Variants in APPL1 observed in about 807,000 individuals in gnomAD.
APPL1 encodes DCC-interacting protein 13-alpha.
In APPL1, 42 loss-of-function variants were observed where a neutral mutation model predicts 106.8. The observed-to-expected ratio is 0.39, with a 90% CI of 0.31 to 0.51. The LOEUF is 0.51. Among genes scored for constraint, APPL1 ranks in the 20% least tolerant of loss-of-function variants. The pLI is 0.75. For missense variants in APPL1, 769 were observed against 858.2 expected (o/e 0.90, Z 1.30); for synonymous variants, 263 against 281.8 (o/e 0.93, Z 0.67).
At chr3:57,233,766 A>G (rs1317460491) in intron 1 of APPL1, among the ~76,000 whole-genome samples, 1 of 152,096 alleles carries the variant, frequency 6.6e-6, no homozygotes, top group Non-Finnish European at 1.5e-5. Context: ...AAGCTAAGGA[A>G]TAAGTTGATT....
chr3:57,257,100 G>T, intron 14 of APPL1, 49 bp downstream of exon 14: 1 of 1,585,530 alleles, frequency 6.3e-7, no homozygotes, highest in Admixed American at 1.7e-5. Context: ...GCTATTTAAA[G>T]TATCTGTGAT....
At position 57,259,963 on chromosome 3, in the gene APPL1, C is replaced by T. The variant is rs2060856748; in HGVS notation, c.1602C>T (p.Ile534=). The change falls in exon 17 of 22, where the codon ATC becomes ATT. Residue 534 remains isoleucine (I), a synonymous_variant. Coordinates refer to ENST00000288266, the MANE Select transcript of APPL1 (RefSeq NM_012096.3). ...TMRQILAARA[I]HNIFRMTESH... is the part of the protein sequence containing the mutation. ...GCCAAATCTTAGCTGCCCGGGCCAT[C>T]CATAACATCTTTCGTATGACAGAAT... 1.9e-6 allele frequency: 3 copies of T among 1,613,944 alleles called. No homozygotes were observed. The highest frequency in any genetic ancestry group is 1.7e-6 in the Non-Finnish European group (2 of 1,179,984).
At chr3:57,234,523 C>A (rs942804624) in intron 1 of APPL1, among the ~76,000 whole-genome samples, 1 of 152,036 alleles carries the variant, frequency 6.6e-6, no homozygotes, top group African/African-American at 2.4e-5. Flanking sequence ...TGGTCTCAAT[C>A]TCCTGACCTC....
intron 20 of APPL1, 111 bp downstream of exon 20, chr3:57,267,903 C>A: frequency 9.2e-7 from 1 of 1,090,516 alleles, no homozygotes; most frequent in South Asian, 1.3e-5. Flanking sequence ...ACTAACCTGG[C>A]CAACATGGTG....
chr3:57,260,587 T>A, intron 18 of APPL1, 41 bp from the exon 19 acceptor site: 3 of 1,572,078 alleles, frequency 1.9e-6, no homozygotes, highest in Non-Finnish European at 2.6e-6. Flanking sequence ...CTGTAATGAC[T>A]TGTAAGATCT....
chr3:57,241,800 G>A (rs1048585503), intron 5 of APPL1, among the ~76,000 whole-genome samples: 1 of 152,136 alleles, frequency 6.6e-6, no homozygotes, highest in East Asian at 1.9e-4. Context: ...TATCAAAAAT[G>A]CATGATTCTG....
intron 19 of APPL1, among the ~76,000 whole-genome samples, chr3:57,267,271 T>TGAGCAAAGCATCTCTGAATA (rs1310703034): frequency 1.3e-5 from 2 of 152,228 alleles, no homozygotes; most frequent in East Asian, 1.9e-4. Context: ...CTGAGCTGCT[T>TGAGCAAAGCATCTCTGAATA]GAGCAAAGCA....
intron 7 of APPL1, 144 bp downstream of exon 7, chr3:57,243,058 A>G: frequency 1.6e-6 from 1 of 621,970 alleles, no homozygotes; most frequent in East Asian, 2.9e-5. Context: ...TAGCTGTTCA[A>G]AACCTTTCTG....
At chr3:57,231,671 G>A (rs1049749931) in intron 1 of APPL1, among the ~76,000 whole-genome samples, 9 of 152,030 alleles carry the variant, frequency 5.9e-5, no homozygotes, top group African/African-American at 2.2e-4. Flanking sequence ...AGCTGGGCGT[G>A]GTGGCATGCA....
At chr3:57,236,417 C>G (rs955940472) in intron 2 of APPL1, among the ~76,000 whole-genome samples, 1 of 151,470 alleles carries the variant, frequency 6.6e-6, no homozygotes, top group Non-Finnish European at 1.5e-5. Flanking sequence ...CACCCTCCAC[C>G]TCCCAGGTTC....
At chr3:57,259,190 T>C in intron 16 of APPL1, 110 bp downstream of exon 16, 7 of 864,036 alleles carry the variant, frequency 8.1e-6, no homozygotes, top group South Asian at 7.5e-5. Context: ...AATGCTATCT[T>C]TACTTCAGAA....
chr3:57,231,814 A>C (rs1037784855), intron 1 of APPL1, among the ~76,000 whole-genome samples: 1 of 151,804 alleles, frequency 6.6e-6, no homozygotes, highest in Non-Finnish European at 1.5e-5. Flanking sequence ...GCTCTTAAAA[A>C]AAAAAAAAAA....
At chr3:57,237,003 A>C (rs780521775) in intron 2 of APPL1, among the ~76,000 whole-genome samples, 1 of 152,212 alleles carries the variant, frequency 6.6e-6, no homozygotes, top group Non-Finnish European at 1.5e-5. Flanking sequence ...ATATATGATT[A>C]ATATGTTAAA....
At chr3:57,243,921 G>A (rs2060759328) in intron 7 of APPL1, among the ~76,000 whole-genome samples, 1 of 151,968 alleles carries the variant, frequency 6.6e-6, no homozygotes, top group Admixed American at 6.6e-5. Context: ...GGGTACCTTG[G>A]GGGAACAACA....
At chr3:57,268,571 A>T in intron 21 of APPL1, 84 bp downstream of exon 21, 1 of 1,438,456 alleles carries the variant, frequency 7.0e-7, no homozygotes, top group Non-Finnish European at 9.2e-7. Flanking sequence ...TGAATTTCCA[A>T]ATGAAGGGCT....
At chr3:57,239,635 T>A (rs2060735114) in intron 4 of APPL1, among the ~76,000 whole-genome samples, 1 of 152,224 alleles carries the variant, frequency 6.6e-6, no homozygotes, top group African/African-American at 2.4e-5. Context: ...TATACAAGAT[T>A]GTTTTTTTTG....
chr3:57,240,372 A>G, intron 4 of APPL1, 93 bp from the exon 5 acceptor site: 1 of 955,262 alleles, frequency 1.0e-6, no homozygotes, highest in Non-Finnish European at 1.6e-6. Context: ...AAAATATATC[A>G]GAACCATTTT....
chr3:57,261,059 G>A (rs1286036942), intron 19 of APPL1, among the ~76,000 whole-genome samples: 1 of 151,958 alleles, frequency 6.6e-6, no homozygotes, highest in Non-Finnish European at 1.5e-5. Context: ...TCTTTCTATC[G>A]TAATTTATGG....
chr3:57,242,616 A>C lies in APPL1; in HGVS notation c.416-240A>C, dbSNP rs2060752731. ...GTTTGCTATTTTTGTACTAGAAAAT[A>C]CTTTAAAAAGCTTTAGTGCATTAGT... On this transcript the variant is annotated intron_variant, in intron 6 of 21. Transcript: ENST00000288266. Among the ~76,000 whole-genome samples the C allele has an allele frequency of 3.9e-5, 6 of 152,306 alleles. No individual in the cohort carries two copies. In the South Asian group the frequency reaches 8.3e-4, roughly 21 times the overall value.
Sources: gnomAD v4.1 joint callset for allele counts (sites outside exome capture counted in the v4.1 genomes callset) on GRCh38, gnomAD v4.1.1 for gene constraint, MANE v1.5 for transcripts, NCBI Gene and HGNC (gene_info 2026-07-23, HGNC 2026-07-21) for gene names.